FHIP2A: variants seen among roughly 807,000 people sequenced by gnomAD.
FHIP2A encodes the protein FHF complex subunit HOOK interacting protein 2A, also known as family with sequence similarity 160 member B1.
FHIP2A carries 46 observed loss-of-function variants against 93.5 expected under a neutral mutation model. The ratio of observed to expected loss-of-function variants is 0.49; its 90% CI spans 0.39 to 0.63. FHIP2A has a LOEUF of 0.63. Ranked by LOEUF, FHIP2A falls within the 20% of genes least tolerant of loss-of-function variation. FHIP2A has a pLI of 0.00. For missense variants in FHIP2A, 769 were observed against 909.7 expected, an observed-to-expected ratio of 0.85 and a Z score of 1.99; for synonymous variants, 332 against 326.5, an observed-to-expected ratio of 1.02 and a Z score of -0.18.
intron 16 of FHIP2A, among the ~76,000 whole-genome samples, chr10:114,897,326 G>T (rs1200315762): frequency 1.3e-5 from 2 of 152,206 alleles, no homozygotes; most frequent in East Asian, 1.9e-4. Context: ...CAGTAGGGTG[G>T]ATGTGTCAGG....
intron 1 of FHIP2A, 135 bp downstream of exon 1, chr10:114,822,258 G>C (rs2760668): frequency 2.7e-6 from 1 of 363,808 alleles, no homozygotes; most frequent in South Asian, 1.2e-4. Flanking sequence ...TGAGGCCCCA[G>C]GCGGGCGCCC....
intron 5 of FHIP2A, among the ~76,000 whole-genome samples, chr10:114,838,917 T>C (rs949155726): frequency 2.0e-5 from 3 of 152,238 alleles, no homozygotes; most frequent in African/African-American, 7.2e-5. Context: ...GGACTATTCA[T>C]ATGTGTTTAA....
intron 13 of FHIP2A, 26 bp from the exon 14 acceptor site, chr10:114,855,171 T>G: frequency 6.3e-7 from 1 of 1,588,768 alleles, no homozygotes; most frequent in Non-Finnish European, 8.6e-7. Flanking sequence ...TGTTCTTTAA[T>G]GATTCACATG....
intron 14 of FHIP2A, among the ~76,000 whole-genome samples, chr10:114,857,311 C>CTTTTTTTTTTTTTT (rs1170473205): frequency 2.0e-5 from 2 of 99,284 alleles, no homozygotes; most frequent in African/African-American, 3.4e-5. Context: ...CCTATTTCTT[C>CTTTTTTTTTTTTTT]TTCTTTTTTT....
chr10:114,866,197 A>T (rs991687377), downstream of FHIP2A, among the ~76,000 whole-genome samples: 2 of 149,546 alleles, frequency 1.3e-5, no homozygotes, highest in Admixed American at 1.3e-4. Context: ...GCTCCTACTT[A>T]TAAGTGAGAA....
In FHIP2A at chr10:114,843,003, A is replaced by G. The variant is rs752387235; in HGVS notation, c.593A>G (p.Asp198Gly). 18 of 1,613,452 alleles carry G rather than the reference A, an allele frequency of 1.1e-5. No individual in the cohort carries two copies. The highest frequency in any genetic ancestry group is 1.7e-6 in the Non-Finnish European group (2 of 1,179,498). ...VISEDTLKGQ[D>G]SLSTDTGQSR... ...TCAGAAGATACATTAAAAGGTCAGGATTCCTTGTCAACAGATACAGGACAG... is the reference window on the plus strand; with the variant it reads ...TCAGAAGATACATTAAAAGGTCAGGGTTCCTTGTCAACAGATACAGGACAG... The change falls in exon 6 of 17, where the codon GAT (aspartate) becomes GGT (glycine). Residue 198 changes from aspartate to glycine, a missense_variant. By Grantham distance (94) the Asp-to-Gly change is moderately conservative. Coordinates refer to ENST00000369248, the MANE Select transcript of FHIP2A (RefSeq NM_020940.4).
chr10:114,880,680 A>AACACACACATAC (rs2083912408), intron 16 of FHIP2A, among the ~76,000 whole-genome samples: 1 of 144,042 alleles, frequency 6.9e-6, no homozygotes, highest in South Asian at 2.3e-4. Context: ...ACTCCATGTC[A>AACACACACATAC]ACACACACAC....
chr10:114,863,710 C>T lies in FHIP2A; in HGVS notation c.*2170C>T. ...TTCAATTTGTTAGTGAAACATTGTA[C>T]TGCATCACCAGTTTTTCTTACCTTC... is the stretch of plus-strand genomic sequence containing the variant. On this transcript the variant is annotated 3_prime_UTR_variant, in exon 17 of 17. Coordinates refer to ENST00000369248, the MANE Select transcript of FHIP2A (RefSeq NM_020940.4). The T allele has an allele frequency of 7.7e-7, 1 of 1,300,234 alleles. No individual in the cohort carries two copies. Among genetic ancestry groups the T allele is most frequent in the South Asian group, 1.2e-5 (1 of 80,032 alleles). The allele number at this position is 1,300,234 out of a possible 1,614,324, so 80.5% of individuals were successfully genotyped here. A position where few individuals can be genotyped will look rare whatever the true frequency, so the allele number is the denominator to read the frequency against.
At position 114,846,195 on chromosome 10, in the gene FHIP2A, C is replaced by T; in HGVS notation, c.1226C>T (p.Thr409Ile). The change falls in exon 10 of 17, where the codon ACA (threonine) becomes ATA (isoleucine). Residue 409 changes from threonine to isoleucine, a missense_variant. Transcript: ENST00000369248. ...CTCAGTTCTGAGATGGGTATTCTCACATCCACTGCTCTGCTTCATCGCATC... is the reference window on the plus strand; with the variant it reads ...CTCAGTTCTGAGATGGGTATTCTCATATCCACTGCTCTGCTTCATCGCATC... ...LMQTSEMGIL[T>I]STALLHRIVR... 1.2e-6 allele frequency: 2 copies of T among 1,614,160 alleles called. No individual in the cohort carries two copies. Among genetic ancestry groups the T allele is most frequent in the South Asian group, 1.1e-5 (1 of 91,082 alleles).
chr10:114,875,764 A>G (rs925088312), intron 16 of FHIP2A, among the ~76,000 whole-genome samples: 1 of 151,520 alleles, frequency 6.6e-6, no homozygotes, highest in African/African-American at 2.4e-5. Context: ...GAAAGAAAGA[A>G]AGAGAAAAGA....
intron 16 of FHIP2A, among the ~76,000 whole-genome samples, chr10:114,891,623 ATT>A (rs1192883038): frequency 1.4e-5 from 1 of 72,032 alleles, no homozygotes. Flanking sequence ...GTATATACAT[ATT>A]TTTTTTTTTG....
intron 16 of FHIP2A, among the ~76,000 whole-genome samples, chr10:114,879,577 G>A (rs896812904): frequency 3.3e-5 from 5 of 152,154 alleles, no homozygotes; most frequent in Admixed American, 2.0e-4. Flanking sequence ...TGAATCTCCC[G>A]GAAGTGGCAT....
At chr10:114,865,967 GT>G (rs1181449582), downstream of FHIP2A, among the ~76,000 whole-genome samples, 1 of 151,774 alleles carries the variant, frequency 6.6e-6, no homozygotes, top group Non-Finnish European at 1.5e-5. Flanking sequence ...CTGTTTGTTT[GT>G]TTTTTTTAAT....
intron 3 of FHIP2A, among the ~76,000 whole-genome samples, chr10:114,835,114 T>C (rs1249146401): frequency 1.6e-5 from 2 of 121,214 alleles, no homozygotes; most frequent in African/African-American, 5.9e-5. Flanking sequence ...TACATATATA[T>C]GATGGAAAGT....
At chr10:114,895,849 G>A (rs1041245364) in intron 16 of FHIP2A, among the ~76,000 whole-genome samples, 6 of 152,212 alleles carry the variant, frequency 3.9e-5, no homozygotes, top group Admixed American at 3.9e-4. Context: ...CCTCTTGGTA[G>A]CACATGATGT....
At position 114,847,145 on chromosome 10, in the gene FHIP2A, A is replaced by G. The variant is rs1320868826; in HGVS notation, c.1624A>G (p.Asn542Asp). 7 of 1,613,540 alleles carry G rather than the reference A, an allele frequency of 4.3e-6. No individual in the cohort carries two copies. The highest frequency in any genetic ancestry group is 5.9e-6 in the Non-Finnish European group (7 of 1,179,558). Reference protein sequence around the residue: ...TDISPENTLPNQEWLSSSPPA... With the variant: ...TDISPENTLPDQEWLSSSPPA... Reference sequence around the variant, plus strand: ...CATTTCACCAGAAAACACTTTGCCAAACCAAGAGTGGCTTAGTTCTTCACC... The same window carrying G: ...CATTTCACCAGAAAACACTTTGCCAGACCAAGAGTGGCTTAGTTCTTCACC... The change falls in exon 12 of 17, where the codon AAC (asparagine) becomes GAC (aspartate). Residue 542 changes from asparagine to aspartate, a missense_variant. Coordinates refer to ENST00000369248, the MANE Select transcript of FHIP2A (RefSeq NM_020940.4).
At position 114,862,358 on chromosome 10, in the gene FHIP2A, T is replaced by C. The variant is rs921086459; in HGVS notation, c.*818T>C. 1 of 987,350 alleles carries C rather than the reference T, an allele frequency of 1.0e-6. No individual in the cohort carries two copies. The highest frequency in any genetic ancestry group is 1.2e-6 in the Non-Finnish European group (1 of 829,998). The allele number at this position is 987,350 out of a possible 1,614,324, so 61.2% of individuals were successfully genotyped here. ...ACATGTACTGGGTTGAGAACCTTTT[T>C]CCCCCCTCTCCCTCTCAGAAAATTG... On this transcript the variant is annotated 3_prime_UTR_variant, in exon 17 of 17. Transcript: ENST00000369248.
At chr10:114,843,530 C>G (rs991825567) in intron 6 of FHIP2A, among the ~76,000 whole-genome samples, 1 of 152,106 alleles carries the variant, frequency 6.6e-6, no homozygotes, top group Non-Finnish European at 1.5e-5. Flanking sequence ...TCTCAAACTC[C>G]TGACCTCAGC....
downstream of FHIP2A, among the ~76,000 whole-genome samples, chr10:114,864,978 A>T (rs1435989182): frequency 3.0e-4 from 45 of 149,234 alleles, no homozygotes; most frequent in Admixed American, 3.0e-3. Context: ...ATGTTTATGC[A>T]CGTCTCAAAA....
Sources: allele counts gnomAD v4.1 joint callset (sites outside exome capture counted in the v4.1 genomes callset), GRCh38; gene constraint gnomAD v4.1.1; transcripts MANE v1.5; gene names NCBI Gene and HGNC (gene_info 2026-07-23, HGNC 2026-07-21).